The following SAXO1 variants were observed in gnomAD, a reference collection of about 807,000 sequenced individuals.
SAXO1 encodes the protein stabilizer of axonemal microtubules 1, also known as 4930500O09Rik.
In SAXO1, 21 loss-of-function variants were observed where a neutral mutation model predicts 17.5. The ratio of observed to expected loss-of-function variants is 1.20; its 90% CI spans 0.85 to 1.72. The LOEUF (loss-of-function observed/expected upper bound fraction) is 1.72. Ranked by LOEUF, SAXO1 falls within the 40% of genes most tolerant of loss-of-function variation. The pLI is 0.00. For missense variants in SAXO1, 843 were observed against 596.0 expected (o/e 1.41, Z -4.32); for synonymous variants, 274 against 216.5 (o/e 1.27, Z -2.33).
intron 1 of SAXO1, among the ~76,000 whole-genome samples, chr9:18,957,409 G>C (rs186841190): frequency 6.6e-6 from 1 of 152,286 alleles, no homozygotes; most frequent in Non-Finnish European, 1.5e-5. Flanking sequence ...AGGTAACACA[G>C]CTGGTCAGCA....
intron 1 of SAXO1, among the ~76,000 whole-genome samples, chr9:18,991,336 A>T (rs182978558): frequency 6.6e-6 from 1 of 152,246 alleles, no homozygotes; most frequent in Non-Finnish European, 1.5e-5. Context: ...TCAATGACAG[A>T]CTGGATTAAG....
At chr9:19,047,898 C>T (rs113079673) in intron 1 of SAXO1, among the ~76,000 whole-genome samples, 1 of 152,064 alleles carries the variant, frequency 6.6e-6, no homozygotes, top group Non-Finnish European at 1.5e-5. Flanking sequence ...CTCGAAAGAA[C>T]GGGGAAGGGA....
chr9:18,984,016 A>C (rs892370555), intron 1 of SAXO1, among the ~76,000 whole-genome samples: 2 of 152,256 alleles, frequency 1.3e-5, no homozygotes, highest in Non-Finnish European at 2.9e-5. Flanking sequence ...ATGTTATGTT[A>C]GCAGGGATAG....
intron 2 of SAXO1, among the ~76,000 whole-genome samples, chr9:18,946,225 G>C (rs923040706): frequency 1.4e-5 from 2 of 138,970 alleles, no homozygotes; most frequent in African/African-American, 5.6e-5. Flanking sequence ...GCGGTGAGCC[G>C]AGATCGTGCC....
chr9:19,027,187 C>T (rs939446938), intron 1 of SAXO1: 2 of 1,195,764 alleles, frequency 1.7e-6, no homozygotes, highest in Non-Finnish European at 2.5e-6. Flanking sequence ...GACCTGGACT[C>T]CCAGAGGAAG....
intron 1 of SAXO1, among the ~76,000 whole-genome samples, chr9:18,959,683 A>T (rs930382531): frequency 7.9e-5 from 12 of 152,074 alleles, no homozygotes; most frequent in African/African-American, 2.7e-4. Flanking sequence ...AGGCAGGAGA[A>T]TCACTTGCAC....
At chr9:18,947,471 T>C (rs1831847308) in intron 2 of SAXO1, among the ~76,000 whole-genome samples, 1 of 152,150 alleles carries the variant, frequency 6.6e-6, no homozygotes, top group Non-Finnish European at 1.5e-5. Context: ...ATCTCCTCAC[T>C]CTGTGCCTCC....
chr9:18,928,144 G>C lies in SAXO1; in HGVS notation c.1333C>G (p.Pro445Ala). ...VDALGHRIYK[P>A]VSQAGSQQSS... is the part of the protein sequence containing the mutation. ...TGCTGAGAGCCTGCCTGGGAAACTGGTTTGTATATCCTGTGACCCAAAGCA... is the reference window on the plus strand; with the variant it reads ...TGCTGAGAGCCTGCCTGGGAAACTGCTTTGTATATCCTGTGACCCAAAGCA... Residue 445 changes from proline (P) to alanine (A), a missense_variant, in exon 4 of 4, where the codon CCA becomes GCA. Transcript: ENST00000380534. 1.9e-6 allele frequency: 3 copies of C among 1,614,174 alleles called. No individual in the cohort carries two copies. Among genetic ancestry groups the C allele is most frequent in the African/African-American group, 2.7e-5 (2 of 75,046 alleles).
chr9:18,944,623 G>C (rs1443946131), intron 2 of SAXO1, among the ~76,000 whole-genome samples: 2 of 152,320 alleles, frequency 1.3e-5, no homozygotes, highest in East Asian at 3.9e-4. Context: ...AAAAGTTATA[G>C]AGTAGGGAAG....
At position 18,933,971 on chromosome 9, in the gene SAXO1, G is replaced by A. The variant is rs565102002; in HGVS notation, c.422-4916C>T. 4.9e-4 allele frequency among the ~76,000 whole-genome samples: 74 copies of A among 152,280 alleles called. 2 individuals are homozygous for A. The South Asian group carries it at 6.6e-3, about 14-fold the overall frequency. On this transcript the variant is annotated intron_variant, in intron 3 of 3. Transcript: ENST00000380534. Reference sequence around the variant, plus strand: ...TGAGGCAGGAGAATGGTGTGAACCCGGGAGGCGGAGCTTGCAGTGAGCCGA... The same window carrying A: ...TGAGGCAGGAGAATGGTGTGAACCCAGGAGGCGGAGCTTGCAGTGAGCCGA...
In SAXO1 at chr9:18,964,349, C is replaced by T. The variant is rs150408945; in HGVS notation, c.39-13412G>A. ...TGGAATAGTTTCAGAAGGAATGGTA[C>T]CAACTCCTTTTTGTACCTCTGGTAG... is the stretch of plus-strand genomic sequence containing the variant. On this transcript the variant is annotated intron_variant, in intron 1 of 3. Transcript: ENST00000380534. Among the ~76,000 whole-genome samples the T allele has an allele frequency of 6.3e-3, 962 of 152,244 alleles. 6 individuals are homozygous for T. The highest frequency in any genetic ancestry group is 0.013 in the Admixed American group (193 of 15,284).
At chr9:19,009,092 G>C (rs796378810) in intron 1 of SAXO1, among the ~76,000 whole-genome samples, 64 of 152,148 alleles carry the variant, frequency 4.2e-4, no homozygotes, top group African/African-American at 1.4e-3. Flanking sequence ...CCCCCACACA[G>C]CAACAGCAGA....
chr9:19,016,980 C>T (rs973899827), intron 1 of SAXO1, among the ~76,000 whole-genome samples: 3 of 151,922 alleles, frequency 2.0e-5, no homozygotes, highest in Admixed American at 6.6e-5. Flanking sequence ...TGACCAAGGC[C>T]TGGTCAATCA....
intron 1 of SAXO1, among the ~76,000 whole-genome samples, chr9:19,019,627 G>T (rs1169357079): frequency 6.6e-6 from 1 of 152,050 alleles, no homozygotes; most frequent in Non-Finnish European, 1.5e-5. Flanking sequence ...TACTCGAGGG[G>T]CTAAGGCAGG....
intron 1 of SAXO1, 72 bp from the exon 2 acceptor site, chr9:18,951,009 G>C: frequency 7.0e-7 from 1 of 1,421,196 alleles, no homozygotes; most frequent in Non-Finnish European, 9.6e-7. Context: ...GAGTACTTCC[G>C]CCAAATGTGA....
rs144554349 is a variant in SAXO1, at chr9:18,970,249, T to C, written c.39-19312A>G. On this transcript the variant is annotated intron_variant, in intron 1 of 3. Transcript: ENST00000380534. ...TAAAAATGATAACAGTTATGCTATA[T>C]ACCATGTTAATTTCTACCAGCCAGC... Among the ~76,000 whole-genome samples, 4 of 152,356 alleles carry C rather than the reference T, an allele frequency of 2.6e-5. No homozygotes were observed. The East Asian group carries it at 5.8e-4, about 22-fold the overall frequency.
intron 1 of SAXO1, among the ~76,000 whole-genome samples, chr9:19,025,929 C>T (rs1224555016): frequency 6.6e-6 from 1 of 151,870 alleles, no homozygotes; most frequent in African/African-American, 2.4e-5. Flanking sequence ...CCAGAGCCTT[C>T]ATATTGTACT....
intron 3 of SAXO1, among the ~76,000 whole-genome samples, chr9:18,934,881 C>T (rs1238128685): frequency 3.9e-5 from 6 of 152,008 alleles, no homozygotes; most frequent in Non-Finnish European, 8.8e-5. Flanking sequence ...GTATGGCTAC[C>T]GATATTTTTG....
chr9:18,995,827 C>A (rs1833977813), intron 1 of SAXO1, among the ~76,000 whole-genome samples: 1 of 152,120 alleles, frequency 6.6e-6, no homozygotes, highest in Admixed American at 6.6e-5. Flanking sequence ...TGCCTGTAAT[C>A]CCAGCATTTT....
Sources: allele counts gnomAD v4.1 joint callset (sites outside exome capture counted in the v4.1 genomes callset), GRCh38; gene constraint gnomAD v4.1.1; transcripts MANE v1.5; gene names NCBI Gene and HGNC (gene_info 2026-07-23, HGNC 2026-07-21).